Variants in LGSN observed in about 807,000 individuals in gnomAD.
LGSN encodes the protein lengsin, lens protein with glutamine synthetase domain.
In LGSN, 21 loss-of-function variants were observed where a neutral mutation model predicts 19.5. The observed-to-expected ratio is 1.07, with a 90% CI of 0.76 to 1.55. The LOEUF (loss-of-function observed/expected upper bound fraction) is 1.55, where lower values mean the gene tolerates loss of function less well. Ranked by LOEUF, LGSN falls within the 40% of genes most tolerant of loss-of-function variation. LGSN has a pLI of 0.00. For synonymous variants in LGSN, 257 were observed against 215.6 expected, an observed-to-expected ratio of 1.19 and a Z score of -1.68; for missense variants, 673 against 608.5, an observed-to-expected ratio of 1.11 and a Z score of -1.12.
chr6:63,440,424 CT>C, the LGSN span, among the ~76,000 whole-genome samples: 1 of 152,110 alleles, frequency 6.6e-6, no homozygotes, highest in Non-Finnish European at 1.5e-5. Context: ...TTCCTCTTTC[CT>C]TTTTTTCTCT....
At chr6:63,404,396 A>T in the LGSN span, among the ~76,000 whole-genome samples, 1 of 152,176 alleles carries the variant, frequency 6.6e-6, no homozygotes, top group Non-Finnish European at 1.5e-5. Context: ...TCCAGAACTA[A>T]TATGTAAGCT....
chr6:63,396,358 C>T, the LGSN span: 8 of 240,622 alleles, frequency 3.3e-5, no homozygotes, highest in South Asian at 3.9e-4. Context: ...CTCTTGGCTC[C>T]AACACTCAGA....
At chr6:63,352,655 C>CCT in the LGSN span, among the ~76,000 whole-genome samples, 5 of 149,418 alleles carry the variant, frequency 3.3e-5, no homozygotes, top group African/African-American at 7.4e-5. Flanking sequence ...TCTCTCTCTT[C>CCT]CTCTCTCTCT....
chr6:63,337,825 G>A, the LGSN span, among the ~76,000 whole-genome samples: 1 of 151,734 alleles, frequency 6.6e-6, no homozygotes, highest in Non-Finnish European at 1.5e-5. Context: ...ACAAAAATAT[G>A]CAACATAAGA....
the LGSN span, among the ~76,000 whole-genome samples, chr6:63,442,050 A>T: frequency 5.3e-5 from 8 of 152,130 alleles, no homozygotes; most frequent in African/African-American, 1.4e-4. Context: ...GGTCTCACTG[A>T]CTTAAGAAGT....
At position 63,280,548 on chromosome 6, in the gene LGSN, C is replaced by G. The variant is rs527254483; in HGVS notation, c.1003G>C (p.Glu335Gln). 5.6e-6 allele frequency: 9 copies of G among 1,614,086 alleles called. No individual in the cohort carries two copies. The African/African-American group carries it at 8.0e-5, about 14-fold the overall frequency. The part of the protein sequence containing the change: ...KNMFCSTSGT[E>Q]QLTITGKKWL... Reference sequence around the variant, plus strand: ...TTTTTCCCAGTGATCGTGAGCTGCTCAGTTCCAGAAGTGCTGCAGAACATG... The same window carrying G: ...TTTTTCCCAGTGATCGTGAGCTGCTGAGTTCCAGAAGTGCTGCAGAACATG... The change falls in exon 4 of 4, where the codon GAG (glutamate) becomes CAG (glutamine). Residue 335 changes from glutamate (E) to glutamine (Q), a missense_variant. Physicochemically the swap from Glu to Gln is conservative, Grantham distance 29. Coordinates refer to ENST00000370657, the MANE Select transcript of LGSN (RefSeq NM_016571.3).
the LGSN span, among the ~76,000 whole-genome samples, chr6:63,385,369 T>C: frequency 6.8e-4 from 103 of 152,326 alleles, no homozygotes; most frequent in East Asian, 8.1e-3. Context: ...AGCCACTGAA[T>C]TAACTAAACT....
intron 2 of LGSN, among the ~76,000 whole-genome samples, chr6:63,286,001 A>C (rs1214108830): frequency 6.6e-6 from 1 of 152,198 alleles, no homozygotes; most frequent in Admixed American, 6.5e-5. Flanking sequence ...CATTATTTGC[A>C]TAAGGATATA....
At chr6:63,351,445 G>C in the LGSN span, among the ~76,000 whole-genome samples, 3 of 151,896 alleles carry the variant, frequency 2.0e-5, no homozygotes, top group African/African-American at 4.8e-5. Flanking sequence ...AAGAGAGAGA[G>C]AGAGAGAGAC....
chr6:63,493,734 C>T, the LGSN span, among the ~76,000 whole-genome samples: 1,346 of 152,264 alleles, frequency 8.8e-3, 23 homozygotes, highest in African/African-American at 0.031. Context: ...TTGTCTGACA[C>T]TTCTAAGCCC....
chr6:63,456,350 TAC>T, the LGSN span, among the ~76,000 whole-genome samples: 2,799 of 9,952 alleles, frequency 0.28, 428 homozygotes, highest in Non-Finnish European at 0.32. Context: ...GGCAGAAATA[TAC>T]ATATATATAT....
chr6:63,562,736 C>A, the LGSN span, among the ~76,000 whole-genome samples: 46 of 152,264 alleles, frequency 3.0e-4, 1 homozygote, highest in Middle Eastern at 0.01. Flanking sequence ...CTCTTAATAC[C>A]TAAATATACA....
the LGSN span, among the ~76,000 whole-genome samples, chr6:63,533,706 T>C: frequency 1.3e-5 from 2 of 152,126 alleles, no homozygotes; most frequent in Non-Finnish European, 2.9e-5. Context: ...TAAATGACTT[T>C]GTAAAGCTGC....
the LGSN span, among the ~76,000 whole-genome samples, chr6:63,327,789 GTCTCTT>G: frequency 3.3e-3 from 501 of 151,808 alleles, 3 homozygotes; most frequent in African/African-American, 0.011. Flanking sequence ...TCCTCTCTCT[GTCTCTT>G]TCTCTTTCTC....
chr6:63,512,438 G>A, the LGSN span, among the ~76,000 whole-genome samples: 1 of 152,176 alleles, frequency 6.6e-6, no homozygotes, highest in Non-Finnish European at 1.5e-5. Context: ...CTTCATTGCT[G>A]CAAAGTGGCT....
Position 63,278,829 on chromosome 6 carries a change from T to A in LGSN, c.*1192A>T, listed in dbSNP as rs1446564989. ...TTTCACTATTTAAGCTACTGAGTAA[T>A]ATGAATTTTAATAAGAGGATCTGAG... On this transcript the variant is annotated 3_prime_UTR_variant, in exon 4 of 4. Coordinates refer to ENST00000370657, the MANE Select transcript of LGSN (RefSeq NM_016571.3). The A allele has an allele frequency of 6.6e-6, 1 of 152,204 alleles. No homozygotes were observed. Among genetic ancestry groups the A allele is most frequent in the Non-Finnish European group, 1.5e-5 (1 of 68,040 alleles). The allele number at this position is 152,204 out of a possible 1,614,324, so 9.4% of individuals were successfully genotyped here.
chr6:63,483,823 T>C, the LGSN span, among the ~76,000 whole-genome samples: 1 of 152,134 alleles, frequency 6.6e-6, no homozygotes, highest in East Asian at 1.9e-4. Flanking sequence ...TTCTTTTTCT[T>C]TTCTTTTTTT....
chr6:63,331,873 G>A, the LGSN span, among the ~76,000 whole-genome samples: 11 of 151,978 alleles, frequency 7.2e-5, no homozygotes, highest in Admixed American at 2.0e-4. Flanking sequence ...CCATACCGAC[G>A]CATTCTTGAA....
chr6:63,505,187 G>A, the LGSN span, among the ~76,000 whole-genome samples: 2 of 142,162 alleles, frequency 1.4e-5, no homozygotes, highest in Non-Finnish European at 3.0e-5. Context: ...TTTTTTTAAC[G>A]TTATTGATAT....
Sources: gnomAD v4.1 joint callset for allele counts (sites outside exome capture counted in the v4.1 genomes callset) on GRCh38, gnomAD v4.1.1 for gene constraint, MANE v1.5 for transcripts, NCBI Gene and HGNC (gene_info 2026-07-23, HGNC 2026-07-21) for gene names.